Variants in ERMP1 observed in about 807,000 individuals in gnomAD.
ERMP1 encodes the protein endoplasmic reticulum metallopeptidase 1, also known as Felix-ina.
ERMP1 carries 86 observed loss-of-function variants against 92.0 expected under a neutral mutation model. The ratio of observed to expected loss-of-function variants is 0.93; its 90% CI spans 0.79 to 1.12. The LOEUF is 1.12. Among genes scored for constraint, ERMP1 ranks in the 50% most tolerant of loss-of-function variants. The probability of loss-of-function intolerance (pLI) is 0.00; values close to 1 mark genes in which losing one functional copy is unlikely to be tolerated. For missense variants in ERMP1, 1,342 were observed against 1,116.3 expected (o/e 1.20, Z -2.88); for synonymous variants, 530 against 412.8 (o/e 1.28, Z -3.44).
intron 4 of ERMP1, among the ~76,000 whole-genome samples, chr9:5,823,063 C>A (rs1187798718): frequency 1.3e-5 from 2 of 152,058 alleles, no homozygotes; most frequent in Non-Finnish European, 2.9e-5. Flanking sequence ...GGCAGGAGGA[C>A]CACTTGAGCC....
chr9:5,828,136 T>C (rs1173843662), intron 2 of ERMP1, among the ~76,000 whole-genome samples: 1 of 152,194 alleles, frequency 6.6e-6, no homozygotes, highest in Non-Finnish European at 1.5e-5. Context: ...CTGTCTCTAT[T>C]ATTTAAAACA....
chr9:5,791,989 T>A (rs1468328792), intron 13 of ERMP1, among the ~76,000 whole-genome samples: 2 of 152,060 alleles, frequency 1.3e-5, no homozygotes, highest in Non-Finnish European at 2.9e-5. Context: ...TTGGAAATGA[T>A]GGGAGAGGAG....
chr9:5,838,979 A>G (rs1445383853), intron 6 of ERMP1, among the ~76,000 whole-genome samples: 1 of 152,172 alleles, frequency 6.6e-6, no homozygotes, highest in Non-Finnish European at 1.5e-5. Context: ...TTTAAGAGCC[A>G]TGGGCCTGGC....
In ERMP1 at chr9:5,811,210, T is replaced by C. The variant is rs776959101; in HGVS notation, c.1228A>G (p.Ile410Val). 5 of 1,613,936 alleles carry C rather than the reference T, an allele frequency of 3.1e-6. No individual in the cohort carries two copies. In the East Asian group the frequency reaches 1.1e-4, roughly 36 times the overall value. ...GAGCCAATACGAGAGGGGTAGGCAATGACAAACAGGCCCAGCACATCAAAG... is the reference window on the plus strand; with the variant it reads ...GAGCCAATACGAGAGGGGTAGGCAACGACAAACAGGCCCAGCACATCAAAG... ...VFFDVLGLFV[I>V]AYPSRIGSII... Residue 410 changes from isoleucine to valine, a missense_variant, in exon 7 of 15, where the codon ATT (isoleucine) becomes GTT (valine). Physicochemically the swap from Ile to Val is conservative, Grantham distance 29. Coordinates refer to ENST00000339450, the MANE Select transcript of ERMP1 (RefSeq NM_024896.3).
Position 5,799,021 on chromosome 9 carries a change from G to A in ERMP1, c.2068-13C>T. On this transcript the variant is annotated splice_polypyrimidine_tract_variant and intron_variant, in intron 11 of 14. Transcript: ENST00000339450. Reference sequence around the variant, plus strand: ...TTCTAGTCATATGCTGAAAAAAAAAGACTAGTGAAAAAACTGTTTCAACTA... The same window carrying A: ...TTCTAGTCATATGCTGAAAAAAAAAAACTAGTGAAAAAACTGTTTCAACTA... The A allele has an allele frequency of 6.3e-7, 1 of 1,599,954 alleles. No homozygotes were observed. The highest frequency in any genetic ancestry group is 8.6e-7 in the Non-Finnish European group (1 of 1,168,404).
At chr9:5,828,846 A>C (rs1287070031) in intron 2 of ERMP1, among the ~76,000 whole-genome samples, 2 of 152,092 alleles carry the variant, frequency 1.3e-5, no homozygotes, top group East Asian at 3.9e-4. Context: ...TTCTTATATA[A>C]TGTTCTTAAG....
At chr9:5,794,890 T>C (rs1458780550) in intron 13 of ERMP1, among the ~76,000 whole-genome samples, 2 of 152,198 alleles carry the variant, frequency 1.3e-5, no homozygotes, top group African/African-American at 2.4e-5. Context: ...GAATACTTCT[T>C]AACCCATCCT....
intron 13 of ERMP1, among the ~76,000 whole-genome samples, chr9:5,792,355 ATAAGT>A (rs1170200767): frequency 7.2e-5 from 11 of 152,252 alleles, no homozygotes; most frequent in South Asian, 4.1e-4. Context: ...AGGCCAAAAC[ATAAGT>A]TAAGAAGCTG....
rs752775207 is a variant in ERMP1, at chr9:5,801,353, A to G, written c.1915-25T>C. 3.1e-6 allele frequency: 5 copies of G among 1,595,872 alleles called. No individual in the cohort carries two copies. The East Asian group carries it at 1.1e-4, about 36-fold the overall frequency. ...TCTGAAACACAAACCACAAACACAG[A>G]AATATTACAAATTCATTCTAGTGGT... On this transcript the variant is annotated intron_variant, in intron 10 of 14. Transcript: ENST00000339450.
intron 13 of ERMP1, among the ~76,000 whole-genome samples, chr9:5,791,997 G>A (rs578030219): frequency 1.3e-5 from 2 of 152,164 alleles, no homozygotes; most frequent in Non-Finnish European, 1.5e-5. Flanking sequence ...GATGGGAGAG[G>A]AGGGCAGAGA....
chr9:5,850,142 G>A (rs1375684036), intron 6 of ERMP1, among the ~76,000 whole-genome samples: 1 of 152,112 alleles, frequency 6.6e-6, no homozygotes, highest in Non-Finnish European at 1.5e-5. Context: ...GGACTAGTGT[G>A]ACTCTGTGGA....
At chr9:5,812,745 A>G (rs895177278) in intron 5 of ERMP1, 144 bp downstream of exon 5, 4 of 895,408 alleles carry the variant, frequency 4.5e-6, no homozygotes, top group Non-Finnish European at 7.2e-6. Flanking sequence ...AAGGAAACAA[A>G]CTCTGTTTTA....
chr9:5,848,612 T>C (rs528562840), intron 6 of ERMP1, among the ~76,000 whole-genome samples: 169 of 136,254 alleles, frequency 1.2e-3, no homozygotes, highest in African/African-American at 4.4e-3. Context: ...TCTGGTTTTC[T>C]ACAAGGATTT....
intron 8 of ERMP1, among the ~76,000 whole-genome samples, chr9:5,808,260 G>A (rs1485887847): frequency 6.6e-6 from 1 of 152,212 alleles, no homozygotes; most frequent in Non-Finnish European, 1.5e-5. Context: ...ATTAGTAAAA[G>A]TACATGAAAT....
In ERMP1 at chr9:5,786,965, A is replaced by G; in HGVS notation, c.*179T>C. ...TTCAAGTGTCAACAGGCCATGCATCACTGCGCCACAGCTAAACCCTTATAG... is the reference window on the plus strand; with the variant it reads ...TTCAAGTGTCAACAGGCCATGCATCGCTGCGCCACAGCTAAACCCTTATAG... On this transcript the variant is annotated 3_prime_UTR_variant, in exon 15 of 15. Transcript: ENST00000339450. 1.8e-6 allele frequency: 1 copy of G among 558,592 alleles called. No homozygotes were observed. Among genetic ancestry groups the G allele is most frequent in the Non-Finnish European group, 3.0e-6 (1 of 332,606 alleles). 34.6% of individuals were successfully genotyped at this position (558,592 alleles called of 1,614,324 possible).
chr9:5,824,576 T>C (rs1229493196), intron 3 of ERMP1, among the ~76,000 whole-genome samples: 2 of 152,130 alleles, frequency 1.3e-5, no homozygotes, highest in Admixed American at 6.5e-5. Context: ...CTAATTTTTG[T>C]AATTTTAGTA....
intron 6 of ERMP1, among the ~76,000 whole-genome samples, chr9:5,851,813 C>T (rs1830310502): frequency 6.6e-6 from 1 of 152,098 alleles, no homozygotes; most frequent in South Asian, 2.1e-4. Flanking sequence ...ATTGAGAAAA[C>T]ACTATAATAC....
intron 6 of ERMP1, among the ~76,000 whole-genome samples, chr9:5,838,381 A>T (rs1830118399): frequency 6.6e-6 from 1 of 152,048 alleles, no homozygotes. Context: ...ATCTCTACAA[A>T]AAATACCAAA....
intron 6 of ERMP1, among the ~76,000 whole-genome samples, chr9:5,839,224 G>A (rs954973865): frequency 6.6e-6 from 1 of 152,180 alleles, no homozygotes; most frequent in Non-Finnish European, 1.5e-5. Context: ...AAAAAACTGA[G>A]AGAATTTTCA....
Sources: allele counts gnomAD v4.1 joint callset (sites outside exome capture counted in the v4.1 genomes callset), GRCh38; gene constraint gnomAD v4.1.1; transcripts MANE v1.5; gene names NCBI Gene and HGNC (gene_info 2026-07-23, HGNC 2026-07-21).